The following CDH20 variants were observed in gnomAD, a reference collection of about 807,000 sequenced individuals.
CDH20 encodes the protein cadherin-20.
In CDH20, 29 loss-of-function variants were observed where a neutral mutation model predicts 74.2. The observed-to-expected ratio is 0.39, with a 90% CI of 0.29 to 0.53. The LOEUF (loss-of-function observed/expected upper bound fraction) is 0.53, where lower values mean the gene tolerates loss of function less well. CDH20 is among the 20% of genes least tolerant of loss of function. CDH20 has a pLI of 0.69. For missense variants in CDH20, 988 were observed against 1,048.3 expected, an observed-to-expected ratio of 0.94 and a Z score of 0.79; for synonymous variants, 469 against 405.4, an observed-to-expected ratio of 1.16 and a Z score of -1.88.
chr18:61,494,854 C>T (rs1378788673), intron 2 of CDH20, among the ~76,000 whole-genome samples: 1 of 152,142 alleles, frequency 6.6e-6, no homozygotes, highest in East Asian at 1.9e-4. Flanking sequence ...TGGAAGCTGC[C>T]TAACCACAAA....
intron 1 of CDH20, among the ~76,000 whole-genome samples, chr18:61,385,736 G>C (rs1011803336): frequency 5.3e-4 from 81 of 152,008 alleles, no homozygotes; most frequent in East Asian, 1.7e-3. Context: ...TTTGAGACCA[G>C]CTGGCCAACA....
At position 61,353,664 on chromosome 18, in the gene CDH20, C is replaced by T. The variant is rs1024175061; in HGVS notation, c.-153+19837C>T. Among the ~76,000 whole-genome samples the T allele has an allele frequency of 6.6e-6, 1 of 152,164 alleles. No individual in the cohort carries two copies. The highest frequency in any genetic ancestry group is 2.1e-4 in the South Asian group (1 of 4,832). On this transcript the variant is annotated intron_variant, in intron 1 of 11. Coordinates refer to ENST00000262717, the MANE Select transcript of CDH20 (RefSeq NM_031891.4). The surrounding 1 kb of genome is among the most constrained non-coding windows in gnomAD (Gnocchi z 4.6). ...TAACGGACCACCACCTATCAAATGC[C>T]CTTCGACCAACTCCAAACCCACTGA...
At chr18:61,361,677 T>G (rs1910698783) in intron 1 of CDH20, among the ~76,000 whole-genome samples, 1 of 152,210 alleles carries the variant, frequency 6.6e-6, no homozygotes, top group South Asian at 2.1e-4. Flanking sequence ...TAGCAATATT[T>G]ATAGCAATTT....
At chr18:61,475,956 T>A (rs868740425) in intron 1 of CDH20, among the ~76,000 whole-genome samples, 1 of 152,164 alleles carries the variant, frequency 6.6e-6, no homozygotes, top group African/African-American at 2.4e-5. Context: ...TTTTCATCCT[T>A]GAGGGGGATT....
chr18:61,414,761 G>T (rs1035714401), intron 1 of CDH20, among the ~76,000 whole-genome samples: 4 of 151,812 alleles, frequency 2.6e-5, no homozygotes, highest in African/African-American at 7.3e-5. Context: ...GAAGAGGCGA[G>T]AATTTTTTTA....
intron 11 of CDH20, among the ~76,000 whole-genome samples, chr18:61,551,721 A>G (rs1913439882): frequency 6.6e-6 from 1 of 152,182 alleles, no homozygotes; most frequent in Non-Finnish European, 1.5e-5. Context: ...GGAGTCCTTT[A>G]GCACAGAAGT....
intron 1 of CDH20, among the ~76,000 whole-genome samples, chr18:61,467,740 G>A (rs79409359): frequency 0.01 from 1,531 of 152,218 alleles, 21 homozygotes; most frequent in African/African-American, 0.034. Context: ...CATGCTTATA[G>A]CAACCCTGCA....
At chr18:61,476,773 T>C (rs1910403515) in intron 1 of CDH20, among the ~76,000 whole-genome samples, 1 of 152,240 alleles carries the variant, frequency 6.6e-6, no homozygotes, top group South Asian at 2.1e-4. Context: ...ACTTCTGGGA[T>C]TCACGATGGC....
At chr18:61,359,816 A>C (rs1204043665) in intron 1 of CDH20, among the ~76,000 whole-genome samples, 1 of 152,156 alleles carries the variant, frequency 6.6e-6, no homozygotes, top group African/African-American at 2.4e-5. Context: ...GTCATCCATA[A>C]TTACAGCTAT....
chr18:61,539,187 C>A, intron 9 of CDH20, 42 bp downstream of exon 9: 1 of 1,597,158 alleles, frequency 6.3e-7, no homozygotes, highest in Non-Finnish European at 8.5e-7. Context: ...TAACCCCTAA[C>A]TTCTGGAAAC....
At chr18:61,350,822 C>CTTTG (rs1568105692) in intron 1 of CDH20, among the ~76,000 whole-genome samples, 7 of 152,198 alleles carry the variant, frequency 4.6e-5, no homozygotes, top group Admixed American at 4.6e-4. Flanking sequence ...TCAAAGTCAC[C>CTTTG]AGGGGAGCAA....
intron 1 of CDH20, chr18:61,404,852 C>T (rs866849075): frequency 5.5e-6 from 2 of 365,480 alleles, no homozygotes; most frequent in East Asian, 5.7e-5. Context: ...GGAAATTTTG[C>T]ATGGTTTATT....
At chr18:61,529,469 T>C (rs1912562254) in intron 7 of CDH20, among the ~76,000 whole-genome samples, 1 of 152,214 alleles carries the variant, frequency 6.6e-6, no homozygotes, top group South Asian at 2.1e-4. Flanking sequence ...AAAAACGATT[T>C]TATTTGAATT....
intron 1 of CDH20, among the ~76,000 whole-genome samples, chr18:61,382,483 A>G (rs1023316427): frequency 6.6e-6 from 1 of 152,166 alleles, no homozygotes; most frequent in African/African-American, 2.4e-5. Flanking sequence ...TAACATGGGG[A>G]ATATAGTCCC....
intron 1 of CDH20, among the ~76,000 whole-genome samples, chr18:61,380,723 C>T (rs147564295): frequency 0.015 from 2,299 of 152,248 alleles, 61 homozygotes; most frequent in African/African-American, 0.052. Flanking sequence ...GCAGGAGAAT[C>T]GCTTGAACCC....
At chr18:61,350,457 G>A (rs1185493829) in intron 1 of CDH20, among the ~76,000 whole-genome samples, 5 of 152,018 alleles carry the variant, frequency 3.3e-5, no homozygotes, top group African/African-American at 9.7e-5. Flanking sequence ...GATGGAGGGC[G>A]ATTCCATGCA....
intron 1 of CDH20, among the ~76,000 whole-genome samples, chr18:61,469,292 C>T (rs1335702084): frequency 4.6e-5 from 7 of 151,838 alleles, no homozygotes; most frequent in Non-Finnish European, 8.8e-5. Context: ...GGCTGTAGCT[C>T]CTCATGTCGT....
chr18:61,398,520 A>G (rs1312954718), intron 1 of CDH20, among the ~76,000 whole-genome samples: 1 of 152,242 alleles, frequency 6.6e-6, no homozygotes, highest in Non-Finnish European at 1.5e-5. Context: ...GCTGATCAGC[A>G]TATTGACATC....
At position 61,499,331 on chromosome 18, in the gene CDH20, C is replaced by G. The variant is rs763032460; in HGVS notation, c.392C>G (p.Thr131Ser). ...GACCGAGAGGAAAGAGCCCAGTATA[C>G]TCTAAGGGCTCAAGCCCTAGACAGG... is the stretch of plus-strand genomic sequence containing the variant. Reference protein sequence around the residue: ...RLDREERAQYTLRAQALDRRT... With the variant: ...RLDREERAQYSLRAQALDRRT... Residue 131 changes from threonine to serine, a missense_variant, in exon 3 of 12, where the codon ACT becomes AGT. Thr to Ser is a moderately conservative substitution (Grantham distance 58). This residue lies in a region of CDH20 where 613 missense variants were observed against 755.2 expected (regional missense o/e 0.81). Transcript: ENST00000262717. The G allele has an allele frequency of 6.2e-7, 1 of 1,614,060 alleles. No homozygotes were observed. Among genetic ancestry groups the G allele is most frequent in the Non-Finnish European group, 8.5e-7 (1 of 1,179,966 alleles).
Sources: gnomAD v4.1 joint callset for allele counts (sites outside exome capture counted in the v4.1 genomes callset) on GRCh38, gnomAD v4.1.1 for gene constraint, gnomAD v4.1.1 regional missense constraint, Gnocchi (gnomAD v3.1) non-coding constraint, MANE v1.5 for transcripts, NCBI Gene and HGNC (gene_info 2026-07-23, HGNC 2026-07-21) for gene names.